ANKFN1: variants seen among roughly 807,000 people sequenced by gnomAD.
ANKFN1 encodes the protein ankyrin repeat and fibronectin type-III domain-containing protein 1.
ANKFN1 carries 74 observed loss-of-function variants against 108.7 expected under a neutral mutation model. The ratio of observed to expected loss-of-function variants is 0.68; its 90% CI spans 0.56 to 0.83. ANKFN1 has a LOEUF of 0.83. ANKFN1 is among the 40% of genes least tolerant of loss of function. The probability of loss-of-function intolerance (pLI) is 0.00; values close to 1 mark genes in which losing one functional copy is unlikely to be tolerated. For synonymous variants in ANKFN1, 547 were observed against 516.2 expected (o/e 1.06, Z -0.81); for missense variants, 1,505 against 1,382.3 (o/e 1.09, Z -1.41).
intron 1 of ANKFN1, among the ~76,000 whole-genome samples, chr17:56,158,863 C>T (rs1217210382): frequency 6.6e-6 from 1 of 151,912 alleles, no homozygotes; most frequent in Non-Finnish European, 1.5e-5. Context: ...AAAATTATTA[C>T]CATATTTCAA....
chr17:56,247,273 G>C (rs1177097991), intron 3 of ANKFN1, among the ~76,000 whole-genome samples: 2 of 152,158 alleles, frequency 1.3e-5, no homozygotes, highest in African/African-American at 4.8e-5. Flanking sequence ...GTCTGAATTT[G>C]ACACAGGAAA....
intron 8 of ANKFN1, among the ~76,000 whole-genome samples, chr17:56,399,172 A>G (rs530534709): frequency 6.6e-6 from 1 of 152,286 alleles, no homozygotes; most frequent in South Asian, 2.1e-4. Flanking sequence ...ATTAGTTTAT[A>G]TCATGCCATA....
chr17:56,506,299 A>AGG (rs2051563651), intron 20 of ANKFN1, among the ~76,000 whole-genome samples: 1 of 151,144 alleles, frequency 6.6e-6, no homozygotes, highest in East Asian at 2.0e-4. Flanking sequence ...ATTGCAGATG[A>AGG]AATTAAAGAT....
At chr17:56,464,982 G>A (rs568465190) in intron 14 of ANKFN1, among the ~76,000 whole-genome samples, 2 of 152,252 alleles carry the variant, frequency 1.3e-5, no homozygotes, top group South Asian at 2.1e-4. Context: ...TTAAATATTC[G>A]GGGATTTTGA....
chr17:56,347,953 A>G (rs974715495), intron 4 of ANKFN1, among the ~76,000 whole-genome samples: 1 of 152,064 alleles, frequency 6.6e-6, no homozygotes, highest in Non-Finnish European at 1.5e-5. Context: ...AAGAATGTAG[A>G]GTTATTTTGG....
intron 1 of ANKFN1, among the ~76,000 whole-genome samples, chr17:56,210,358 G>C (rs1435314169): frequency 1.3e-5 from 2 of 152,156 alleles, no homozygotes; most frequent in Admixed American, 6.5e-5. Flanking sequence ...CCCACCAACA[G>C]TGTAAATGTG....
At chr17:56,216,532 C>T (rs770353484) in intron 2 of ANKFN1, among the ~76,000 whole-genome samples, 2 of 152,170 alleles carry the variant, frequency 1.3e-5, no homozygotes, top group Non-Finnish European at 2.9e-5. Context: ...TCTTACTCTG[C>T]CTTTTTATTC....
At chr17:56,453,904 C>T (rs2049585379) in intron 11 of ANKFN1, among the ~76,000 whole-genome samples, 1 of 151,468 alleles carries the variant, frequency 6.6e-6, no homozygotes, top group African/African-American at 2.4e-5. Flanking sequence ...TTTTTTTCCC[C>T]TCTCTGGAAG....
At chr17:56,457,479 G>A (rs775490911) in intron 13 of ANKFN1, 90 bp downstream of exon 13, 67 of 1,365,710 alleles carry the variant, frequency 4.9e-5, no homozygotes, top group East Asian at 3.8e-4. Flanking sequence ...GGTCTCCAGC[G>A]ATCAGAGTTT....
chr17:56,302,835 G>A (rs965816666), intron 3 of ANKFN1, among the ~76,000 whole-genome samples: 10 of 152,144 alleles, frequency 6.6e-5, no homozygotes, highest in African/African-American at 2.4e-4. Context: ...ATATCTTTCT[G>A]TGTCAAGTAA....
intron 3 of ANKFN1, among the ~76,000 whole-genome samples, chr17:56,285,352 C>T (rs2044188008): frequency 6.6e-6 from 1 of 152,120 alleles, no homozygotes; most frequent in Non-Finnish European, 1.5e-5. Context: ...CTACCAGCAC[C>T]CTAGCCCAAG....
chr17:56,484,465 T>C (rs2050799890), intron 18 of ANKFN1, among the ~76,000 whole-genome samples: 1 of 152,234 alleles, frequency 6.6e-6, no homozygotes, highest in African/African-American at 2.4e-5. Flanking sequence ...AATACTCTCA[T>C]TGTTTTCAGC....
intron 8 of ANKFN1, among the ~76,000 whole-genome samples, chr17:56,382,124 C>T (rs531800657): frequency 7.2e-5 from 11 of 152,264 alleles, no homozygotes; most frequent in African/African-American, 1.4e-4. Context: ...AGACTAACAG[C>T]GGATCTCTCG....
At chr17:56,328,571 T>C (rs2045582279) in intron 4 of ANKFN1, among the ~76,000 whole-genome samples, 1 of 152,214 alleles carries the variant, frequency 6.6e-6, no homozygotes, top group Admixed American at 6.5e-5. Flanking sequence ...TTCATACCTG[T>C]CTCTAAGAAC....
chr17:56,103,536 C>T lies in ANKFN1; in HGVS notation c.288+57211C>T, dbSNP rs184422414. Among the ~76,000 whole-genome samples the T allele has an allele frequency of 2.7e-4, 41 of 152,286 alleles. No homozygotes were observed. In the East Asian group the frequency reaches 7.5e-3, roughly 28 times the overall value. On this transcript the variant is annotated intron_variant, in intron 4 of 12. Coordinates refer to the ANKFN1 transcript ENST00000635860. ...GCTTGCAGAGGGTTGGGCGACAGTGCTCCACCGAGTCCCATTGGGTGTGTG... is the reference window on the plus strand; with the variant it reads ...GCTTGCAGAGGGTTGGGCGACAGTGTTCCACCGAGTCCCATTGGGTGTGTG...
intron 4 of ANKFN1, among the ~76,000 whole-genome samples, chr17:56,076,499 C>T (rs78938878): frequency 0.01 from 1,566 of 152,258 alleles, 32 homozygotes; most frequent in African/African-American, 0.036. Context: ...TAGTGAGCCT[C>T]TACTATGGGG....
rs183889050 is a variant in ANKFN1, at chr17:56,120,209, A to G, written c.288+73884A>G. The stretch of plus-strand genomic sequence containing the variant: ...TTGTCATTATCATTCCATAAAAGGG[A>G]GTTCCCCAGCATCAACCTGCCATTC... On this transcript the variant is annotated intron_variant, in intron 4 of 12. Coordinates refer to the ANKFN1 transcript ENST00000635860. Among the ~76,000 whole-genome samples, 88 of 152,216 alleles carry G rather than the reference A, an allele frequency of 5.8e-4. 1 individual carries two copies. The highest frequency in any genetic ancestry group is 1.8e-3 in the African/African-American group (75 of 41,542).
At chr17:56,259,604 A>C (rs1307198656) in intron 3 of ANKFN1, among the ~76,000 whole-genome samples, 1 of 152,106 alleles carries the variant, frequency 6.6e-6, no homozygotes, top group Non-Finnish European at 1.5e-5. Flanking sequence ...AGATTCAGGA[A>C]TGGGAAATAA....
At position 56,466,505 on chromosome 17, in the gene ANKFN1, C is replaced by A. The variant is rs746698709; in HGVS notation, c.1707C>A (p.Ser569Arg). Reference sequence around the variant, plus strand: ...GGATGCAGATCTCAAAGCTGCAAAGCCAGAGAAAGTCTCTATCAACACCTG... The same window carrying A: ...GGATGCAGATCTCAAAGCTGCAAAGACAGAGAAAGTCTCTATCAACACCTG... Reference protein sequence around the residue: ...GKWMQISKLQSQRKSLSTPEE... With the variant: ...GKWMQISKLQRQRKSLSTPEE... The change falls in exon 15 of 21, where the codon AGC (serine) becomes AGA (arginine). Residue 569 changes from serine to arginine, a missense_variant. Transcript: ENST00000682825. The A allele has an allele frequency of 2.5e-6, 4 of 1,614,016 alleles. No individual in the cohort carries two copies. The Admixed American group carries it at 6.7e-5, about 27-fold the overall frequency.
Sources: gnomAD v4.1 joint callset for allele counts (sites outside exome capture counted in the v4.1 genomes callset) on GRCh38, gnomAD v4.1.1 for gene constraint, MANE v1.5 for transcripts, NCBI Gene and HGNC (gene_info 2026-07-23, HGNC 2026-07-21) for gene names.